Variants in ZHX3 observed in about 807,000 individuals in gnomAD.
The protein encoded by ZHX3 is zinc fingers and homeoboxes protein 3.
In ZHX3, 20 loss-of-function variants were observed where a neutral mutation model predicts 64.5. The observed-to-expected ratio is 0.31, with a 90% CI of 0.22 to 0.45. The LOEUF (loss-of-function observed/expected upper bound fraction) is 0.45. Among genes scored for constraint, ZHX3 ranks in the 20% least tolerant of loss-of-function variants. ZHX3 has a pLI of 1.00. For synonymous variants in ZHX3, 423 were observed against 461.6 expected (o/e 0.92, Z 1.07); for missense variants, 1,041 against 1,195.8 (o/e 0.87, Z 1.91).
At chr20:41,280,376 T>C (rs1354449308) in intron 1 of ZHX3, among the ~76,000 whole-genome samples, 3 of 152,198 alleles carry the variant, frequency 2.0e-5, no homozygotes, top group Non-Finnish European at 4.4e-5. Context: ...GGCATTTGTA[T>C]TTAAATATTC....
chr20:41,190,812 T>G (rs1237167392), intron 3 of ZHX3, among the ~76,000 whole-genome samples: 1 of 152,216 alleles, frequency 6.6e-6, no homozygotes, highest in Non-Finnish European at 1.5e-5. Flanking sequence ...TTGCTAGACA[T>G]AGTATCCTTG....
At position 41,257,346 on chromosome 20, in the gene ZHX3, G is replaced by C. The variant is rs191477242; in HGVS notation, c.-151+11644C>G. Among the ~76,000 whole-genome samples, 25 of 152,220 alleles carry C rather than the reference G, an allele frequency of 1.6e-4. 1 individual carries two copies. In the East Asian group the frequency reaches 4.4e-3, roughly 27 times the overall value. ...TATCATAGCCTCATAAAATGTTCAT[G>C]AAAATCTCTCATCGTAGCTTTCCAC... On this transcript the variant is annotated intron_variant, in intron 2 of 3. Transcript: ENST00000683867.
At chr20:41,218,698 A>G (rs954685291) in intron 2 of ZHX3, among the ~76,000 whole-genome samples, 12 of 152,186 alleles carry the variant, frequency 7.9e-5, no homozygotes, top group African/African-American at 2.4e-4. Flanking sequence ...CAGTCCAGTA[A>G]GTGGATGTGC....
At chr20:41,306,479 T>C (rs1303547334) in intron 1 of ZHX3, among the ~76,000 whole-genome samples, 2 of 152,216 alleles carry the variant, frequency 1.3e-5, no homozygotes, top group African/African-American at 4.8e-5. Flanking sequence ...CCTACAGTCA[T>C]TCTATAAAGC....
intron 2 of ZHX3, among the ~76,000 whole-genome samples, chr20:41,253,480 T>C (rs952378929): frequency 1.3e-5 from 2 of 152,218 alleles, no homozygotes; most frequent in Non-Finnish European, 2.9e-5. Context: ...TTGTATTTTA[T>C]GGACCAGAGT....
intron 1 of ZHX3, chr20:41,317,246 CG>C (rs915193834): frequency 2.0e-5 from 3 of 152,168 alleles, no homozygotes; most frequent in Non-Finnish European, 4.4e-5. Flanking sequence ...TCCTGGAGCC[CG>C]GGGGGTGATG....
At chr20:41,310,672 G>A (rs2045104142) in intron 1 of ZHX3, among the ~76,000 whole-genome samples, 1 of 148,128 alleles carries the variant, frequency 6.8e-6, no homozygotes, top group Non-Finnish European at 1.5e-5. Flanking sequence ...TCTAAAGATG[G>A]GGAAGAGGTT....
chr20:41,190,700 T>C (rs1378156640), intron 3 of ZHX3, among the ~76,000 whole-genome samples: 1 of 152,224 alleles, frequency 6.6e-6, no homozygotes, highest in East Asian at 1.9e-4. Context: ...TTTAGGACTC[T>C]TGTGAGCATT....
At chr20:41,191,331 G>A (rs1265384541) in intron 3 of ZHX3, among the ~76,000 whole-genome samples, 1 of 151,850 alleles carries the variant, frequency 6.6e-6, no homozygotes, top group Non-Finnish European at 1.5e-5. Flanking sequence ...ATTGTATTCT[G>A]TACTTTGTTT....
chr20:41,237,005 T>C (rs888928536), intron 2 of ZHX3, among the ~76,000 whole-genome samples: 2 of 152,046 alleles, frequency 1.3e-5, no homozygotes, highest in African/African-American at 4.8e-5. Context: ...AAAAGACACA[T>C]GAAAAAATGC....
At chr20:41,244,178 C>T (rs1260786632) in intron 2 of ZHX3, among the ~76,000 whole-genome samples, 1 of 151,880 alleles carries the variant, frequency 6.6e-6, no homozygotes. Flanking sequence ...GCCAAATATC[C>T]CCTAGGGGAC....
chr20:41,306,195 G>A (rs181478009), intron 1 of ZHX3, among the ~76,000 whole-genome samples: 8 of 152,174 alleles, frequency 5.3e-5, no homozygotes, highest in East Asian at 3.9e-4. Flanking sequence ...GGGATGCGAC[G>A]CATTCTCTGA....
chr20:41,315,967 A>C (rs1173228001), intron 1 of ZHX3, among the ~76,000 whole-genome samples: 1 of 151,540 alleles, frequency 6.6e-6, no homozygotes, highest in African/African-American at 2.4e-5. Context: ...AGAAAAAAGC[A>C]CTCCACCATG....
Position 41,226,783 on chromosome 20 carries a change from T to C in ZHX3, c.-150-21717A>G, listed in dbSNP as rs1288490628. Among the ~76,000 whole-genome samples, 3 of 152,202 alleles carry C rather than the reference T, an allele frequency of 2.0e-5. No homozygotes were observed. The highest frequency in any genetic ancestry group is 2.4e-5 in the African/African-American group (1 of 41,458). On this transcript the variant is annotated intron_variant, in intron 2 of 3. Coordinates refer to ENST00000683867, the MANE Select transcript of ZHX3 (RefSeq NM_001384317.1). This position sits in a 1 kb window ranked among gnomAD's most constrained non-coding sequence, Gnocchi z 4.4. ...TGTCCAAAAGGGAAGGAAGCTATTA[T>C]ACCTTTCCTATCCCTTTCTGTTGGA... is the stretch of plus-strand genomic sequence containing the variant.
chr20:41,287,891 G>A (rs932458167), intron 1 of ZHX3, among the ~76,000 whole-genome samples: 1 of 152,154 alleles, frequency 6.6e-6, no homozygotes, highest in African/African-American at 2.4e-5. Flanking sequence ...TTATTATGTA[G>A]CAATAGATAA....
At chr20:41,313,860 T>C (rs1490842737) in intron 1 of ZHX3, among the ~76,000 whole-genome samples, 1 of 152,236 alleles carries the variant, frequency 6.6e-6, no homozygotes, top group Admixed American at 6.5e-5. Context: ...CCTCCCAAAG[T>C]GCTGGGATTA....
At chr20:41,296,037 T>C (rs1050292044) in intron 1 of ZHX3, among the ~76,000 whole-genome samples, 1 of 152,118 alleles carries the variant, frequency 6.6e-6, no homozygotes, top group Non-Finnish European at 1.5e-5. Flanking sequence ...ATGAGATTCA[T>C]GTTATTAAAA....
chr20:41,239,773 G>C (rs1378582533), intron 2 of ZHX3: 1 of 152,196 alleles, frequency 6.6e-6, no homozygotes, highest in Non-Finnish European at 1.5e-5. Context: ...CCTTCACCTG[G>C]CACTGAATTT....
intron 1 of ZHX3, among the ~76,000 whole-genome samples, chr20:41,280,517 G>C (rs1359900037): frequency 1.3e-5 from 2 of 152,112 alleles, no homozygotes; most frequent in African/African-American, 2.4e-5. Context: ...CTAAGGGAGA[G>C]GAACAATACT....
Sources: gnomAD v4.1 joint callset for allele counts (sites outside exome capture counted in the v4.1 genomes callset) on GRCh38, gnomAD v4.1.1 for gene constraint, Gnocchi (gnomAD v3.1) non-coding constraint, MANE v1.5 for transcripts, NCBI Gene and HGNC (gene_info 2026-07-23, HGNC 2026-07-21) for gene names.